CNIH3: variants seen among roughly 807,000 people sequenced by gnomAD.
CNIH3 encodes protein cornichon homolog 3.
Under a neutral mutation model 24.1 loss-of-function variants are expected in CNIH3, and 14 were observed. The ratio of observed to expected loss-of-function variants is 0.58; its 90% CI spans 0.38 to 0.91. The LOEUF is 0.91. Ranked by LOEUF, CNIH3 falls within the 40% of genes least tolerant of loss-of-function variation. CNIH3 has a pLI of 0.00. For synonymous variants in CNIH3, 68 were observed against 73.8 expected, an observed-to-expected ratio of 0.92 and a Z score of 0.40; for missense variants, 178 against 196.8, an observed-to-expected ratio of 0.90 and a Z score of 0.57.
At chr1:224,689,265 G>C (rs1293020592) in intron 3 of CNIH3, among the ~76,000 whole-genome samples, 2 of 152,224 alleles carry the variant, frequency 1.3e-5, no homozygotes, top group East Asian at 3.8e-4. Context: ...ATAGAGGTGT[G>C]TGAGAATTAA....
chr1:224,463,332 T>C (rs1370270934), intron 1 of CNIH3, among the ~76,000 whole-genome samples: 1 of 152,220 alleles, frequency 6.6e-6, no homozygotes, highest in African/African-American at 2.4e-5. Context: ...TTAAAATGTT[T>C]TGTTAAAAAT....
chr1:224,446,244 T>A (rs2102955253), intron 1 of CNIH3, among the ~76,000 whole-genome samples: 1 of 150,076 alleles, frequency 6.7e-6, no homozygotes, highest in Admixed American at 6.7e-5. Flanking sequence ...AGTATTGTCT[T>A]GGCTATTCTG....
intron 1 of CNIH3, among the ~76,000 whole-genome samples, chr1:224,493,591 C>T (rs923710231): frequency 1.3e-5 from 2 of 152,136 alleles, no homozygotes; most frequent in Admixed American, 6.5e-5. Context: ...AAAGTTGAGA[C>T]GTCCCAATGA....
At chr1:224,477,187 G>A (rs1676621730) in intron 1 of CNIH3, among the ~76,000 whole-genome samples, 1 of 152,236 alleles carries the variant, frequency 6.6e-6, no homozygotes, top group African/African-American at 2.4e-5. Context: ...CAGGGGTGAT[G>A]AAGTTCCTTC....
At position 224,517,667 on chromosome 1, in the gene CNIH3, C is replaced by A. The variant is rs560359366; in HGVS notation, n.15+1791C>A. Among the ~76,000 whole-genome samples the A allele has an allele frequency of 2.5e-4, 37 of 146,588 alleles. 2 individuals carry two copies. In the South Asian group the frequency reaches 8.2e-3, roughly 32 times the overall value. ...CCTAAATCCACATAGTCTATGATAT[C>A]ATTCTTATGCCTTTGCGTCCTTATA... On this transcript the variant is annotated intron_variant and non_coding_transcript_variant, in intron 1 of 2. Transcript: ENST00000470602.
chr1:224,681,872 A>C (rs1265091575), intron 2 of CNIH3, among the ~76,000 whole-genome samples: 2 of 152,162 alleles, frequency 1.3e-5, no homozygotes, highest in Non-Finnish European at 2.9e-5. Context: ...GTGTTTCTCA[A>C]TCCAAATTCA....
intron 3 of CNIH3, among the ~76,000 whole-genome samples, chr1:224,593,737 A>C (rs1432071991): frequency 6.6e-6 from 1 of 152,238 alleles, no homozygotes. Context: ...GACGTGAGCA[A>C]ATTTAGGAAA....
chr1:224,706,743 G>T (rs1477118788), intron 3 of CNIH3, among the ~76,000 whole-genome samples: 2 of 152,110 alleles, frequency 1.3e-5, no homozygotes, highest in African/African-American at 2.4e-5. Context: ...GCCACAAAGT[G>T]GTAGAGTTAG....
chr1:224,512,446 C>T (rs1678194416), upstream of CNIH3, among the ~76,000 whole-genome samples: 6 of 152,180 alleles, frequency 3.9e-5, no homozygotes. Context: ...TGCCTCTGCA[C>T]TTCAGCTGAG....
intron 3 of CNIH3, among the ~76,000 whole-genome samples, chr1:224,556,994 AC>A (rs1680165372): frequency 6.6e-6 from 1 of 152,142 alleles, no homozygotes. Flanking sequence ...TTGGTGAAGG[AC>A]CCATTCTCAA....
At chr1:224,687,316 T>G (rs894196302) in intron 3 of CNIH3, among the ~76,000 whole-genome samples, 2 of 152,208 alleles carry the variant, frequency 1.3e-5, no homozygotes, top group African/African-American at 4.8e-5. Context: ...ACTGCAGCCT[T>G]GAACTCCTTG....
At chr1:224,707,954 C>T (rs533258642) in intron 3 of CNIH3, among the ~76,000 whole-genome samples, 6 of 152,228 alleles carry the variant, frequency 3.9e-5, no homozygotes, top group African/African-American at 1.2e-4. Flanking sequence ...CCTCTCTGTC[C>T]ACTAGAATTC....
At chr1:224,574,394 G>T (rs1379600699) in intron 4 of CNIH3, 4 of 495,728 alleles carry the variant, frequency 8.1e-6, no homozygotes, top group Non-Finnish European at 1.4e-5. Flanking sequence ...AGTCACTGAG[G>T]TACATGGTTC....
At chr1:224,547,438 T>A (rs569165941) in intron 3 of CNIH3, among the ~76,000 whole-genome samples, 2 of 152,092 alleles carry the variant, frequency 1.3e-5, no homozygotes, top group South Asian at 4.1e-4. Flanking sequence ...ACAGTGGGTG[T>A]ACACACTGTG....
chr1:224,545,091 T>G (rs74146381), intron 2 of CNIH3, among the ~76,000 whole-genome samples: 2,591 of 152,312 alleles, frequency 0.017, 81 homozygotes, highest in African/African-American at 0.059. Flanking sequence ...CATTGGCACT[T>G]TCTTCTCATA....
At chr1:224,483,909 G>A (rs1351753072) in intron 1 of CNIH3, among the ~76,000 whole-genome samples, 2 of 152,024 alleles carry the variant, frequency 1.3e-5, no homozygotes, top group Non-Finnish European at 2.9e-5. Flanking sequence ...GTTGGCTCAC[G>A]CCTGTAATCC....
intron 4 of CNIH3, among the ~76,000 whole-genome samples, chr1:224,580,191 G>A (rs1681212094): frequency 6.6e-6 from 1 of 152,166 alleles, no homozygotes; most frequent in Non-Finnish European, 1.5e-5. Context: ...TAGACTTTGA[G>A]TCAGACCCCT....
chr1:224,503,635 AC>A (rs1572374339), intron 1 of CNIH3, among the ~76,000 whole-genome samples: 1 of 152,054 alleles, frequency 6.6e-6, no homozygotes, highest in Non-Finnish European at 1.5e-5. Flanking sequence ...TCCTCACACA[AC>A]CCTGGCAACC....
chr1:224,554,306 G>A (rs1464869828), intron 3 of CNIH3, among the ~76,000 whole-genome samples: 2 of 152,118 alleles, frequency 1.3e-5, no homozygotes, highest in Non-Finnish European at 2.9e-5. Context: ...AGGCCGTGGG[G>A]TGGGGTTCTC....
Sources: allele counts gnomAD v4.1 joint callset (sites outside exome capture counted in the v4.1 genomes callset), GRCh38; gene constraint gnomAD v4.1.1; transcripts MANE v1.5; gene names NCBI Gene and HGNC (gene_info 2026-07-23, HGNC 2026-07-21).